The following SLCO1A2 variants were observed in gnomAD, a reference collection of about 807,000 sequenced individuals.
The protein encoded by SLCO1A2 is OATP-1.
SLCO1A2 carries 67 observed loss-of-function variants against 69.0 expected under a neutral mutation model. The observed-to-expected ratio is 0.97, with a 90% CI of 0.80 to 1.19. The LOEUF (loss-of-function observed/expected upper bound fraction) is 1.19. Among genes scored for constraint, SLCO1A2 ranks in the 50% most tolerant of loss-of-function variants. The probability of loss-of-function intolerance (pLI) is 0.00; values close to 1 mark genes in which losing one functional copy is unlikely to be tolerated. For missense variants in SLCO1A2, 787 were observed against 793.7 expected, an observed-to-expected ratio of 0.99 and a Z score of 0.10; for synonymous variants, 260 against 265.9, an observed-to-expected ratio of 0.98 and a Z score of 0.22.
intron 10 of SLCO1A2, 49 bp downstream of exon 10, chr12:21,295,548 T>C (rs1947586079): frequency 8.4e-7 from 1 of 1,189,158 alleles, no homozygotes; most frequent in African/African-American, 1.5e-5. Context: ...AAAAATATCA[T>C]ATTAACCATT....
intron 12 of SLCO1A2, among the ~76,000 whole-genome samples, chr12:21,286,177 C>T (rs1274372255): frequency 7.1e-6 from 1 of 140,928 alleles, no homozygotes; most frequent in Admixed American, 7.2e-5. Flanking sequence ...GATACAAAAT[C>T]AATGTACAAA....
intron 1 of SLCO1A2, chr12:21,380,025 A>T (rs1940489064): frequency 1.3e-5 from 2 of 152,192 alleles, no homozygotes; most frequent in South Asian, 4.1e-4. Context: ...GTGGCCTCAA[A>T]CCCAATATTT....
intron 14 of SLCO1A2, among the ~76,000 whole-genome samples, chr12:21,271,001 C>CTT (rs1565458885): frequency 6.6e-6 from 1 of 151,396 alleles, no homozygotes; most frequent in Non-Finnish European, 1.5e-5. Flanking sequence ...CTAAAATTTT[C>CTT]TTTTATTATG....
chr12:21,412,329 C>T (rs546682392), intron 1 of SLCO1A2, among the ~76,000 whole-genome samples: 5 of 151,558 alleles, frequency 3.3e-5, no homozygotes, highest in East Asian at 2.0e-4. Context: ...TGCAGTGAGC[C>T]GAGATTGCAC....
chr12:21,280,568 C>T (rs1197937522), intron 12 of SLCO1A2, among the ~76,000 whole-genome samples: 3 of 151,270 alleles, frequency 2.0e-5, no homozygotes, highest in Admixed American at 1.3e-4. Context: ...ATTGAAGCAC[C>T]CAGATATATA....
intron 2 of SLCO1A2, among the ~76,000 whole-genome samples, chr12:21,333,899 C>G (rs1034362939): frequency 3.3e-5 from 5 of 151,836 alleles, no homozygotes; most frequent in African/African-American, 1.2e-4. Flanking sequence ...TAAATTTCCC[C>G]AACACACATA....
intron 5 of SLCO1A2, 86 bp downstream of exon 5, chr12:21,306,792 AACTC>A (rs1241198490): frequency 9.2e-6 from 7 of 763,720 alleles, no homozygotes; most frequent in Admixed American, 6.9e-5. Context: ...TTATTTATCT[AACTC>A]AATCAATATC....
At chr12:21,346,889 A>G (rs1953268359) in intron 2 of SLCO1A2, among the ~76,000 whole-genome samples, 1 of 152,122 alleles carries the variant, frequency 6.6e-6, no homozygotes, top group African/African-American at 2.4e-5. Flanking sequence ...AAATCCACCT[A>G]CATAAAGAAG....
chr12:21,274,758 T>C (rs1943492240), intron 13 of SLCO1A2, 172 bp from the exon 14 acceptor site: 1 of 689,886 alleles, frequency 1.4e-6, no homozygotes, highest in African/African-American at 1.8e-5. Flanking sequence ...AGTTTCTAAA[T>C]TATTAAAAGA....
chr12:21,288,010 A>AT (rs1491471478), intron 12 of SLCO1A2, among the ~76,000 whole-genome samples: 3 of 119,468 alleles, frequency 2.5e-5, no homozygotes, highest in Non-Finnish European at 3.6e-5. Flanking sequence ...TTAAAGTATA[A>AT]TAAAAAAAAA....
intron 1 of SLCO1A2, among the ~76,000 whole-genome samples, chr12:21,381,210 T>A (rs1214372373): frequency 2.0e-5 from 3 of 151,838 alleles, no homozygotes; most frequent in Non-Finnish European, 2.9e-5. Flanking sequence ...GGAGAAATAA[T>A]AAACAGAGTA....
intron 12 of SLCO1A2, among the ~76,000 whole-genome samples, chr12:21,291,423 A>G (rs1946828144): frequency 6.6e-6 from 1 of 152,208 alleles, no homozygotes; most frequent in Non-Finnish European, 1.5e-5. Flanking sequence ...ATGAAGTAAA[A>G]TAAGAGAGAA....
upstream of SLCO1A2, chr12:21,419,467 C>G (rs1038075256): frequency 6.5e-6 from 1 of 153,060 alleles, no homozygotes; most frequent in Admixed American, 6.5e-5. Flanking sequence ...CGGACGGCAC[C>G]TGGAAAATCG....
chr12:21,408,185 CACAAAAATGCCT>C (rs1941852940), intron 1 of SLCO1A2, among the ~76,000 whole-genome samples: 2 of 152,122 alleles, frequency 1.3e-5, no homozygotes, highest in African/African-American at 2.4e-5. Context: ...GTCCAAAATA[CACAAAAATGCCT>C]GTTTTATATG....
intron 2 of SLCO1A2, among the ~76,000 whole-genome samples, chr12:21,355,621 T>C (rs1315018100): frequency 4.6e-5 from 7 of 152,190 alleles, no homozygotes; most frequent in Non-Finnish European, 1.0e-4. Context: ...GGGAATTCTG[T>C]ATAGTGGCAA....
intron 1 of SLCO1A2, among the ~76,000 whole-genome samples, chr12:21,381,028 G>C (rs1413948864): frequency 6.6e-6 from 1 of 152,156 alleles, no homozygotes; most frequent in Non-Finnish European, 1.5e-5. Context: ...ACCTAAAACT[G>C]ATGATCGGCA....
intron 1 of SLCO1A2, among the ~76,000 whole-genome samples, chr12:21,389,048 G>C (rs1272896951): frequency 2.6e-5 from 4 of 152,094 alleles, no homozygotes; most frequent in African/African-American, 9.7e-5. Context: ...ACACATCTGT[G>C]GTACATGTTG....
chr12:21,401,208 A>C (rs972891976), intron 1 of SLCO1A2, among the ~76,000 whole-genome samples: 2 of 151,972 alleles, frequency 1.3e-5, no homozygotes, highest in Non-Finnish European at 2.9e-5. Context: ...ACAATTACTA[A>C]TACTTGTAAA....
At chr12:21,382,344 G>C (rs1025787817) in intron 1 of SLCO1A2, among the ~76,000 whole-genome samples, 1 of 152,082 alleles carries the variant, frequency 6.6e-6, no homozygotes, top group Non-Finnish European at 1.5e-5. Context: ...GAGGGTGAGA[G>C]GGGGCCAGGA....
Sources: allele counts gnomAD v4.1 joint callset (sites outside exome capture counted in the v4.1 genomes callset), GRCh38; gene constraint gnomAD v4.1.1; transcripts MANE v1.5; gene names NCBI Gene and HGNC (gene_info 2026-07-23, HGNC 2026-07-21).